Variants in GNB5 observed in about 807,000 individuals in gnomAD.
The protein encoded by GNB5 is guanine nucleotide-binding protein subunit beta-5.
In GNB5, 37 loss-of-function variants were observed where a neutral mutation model predicts 55.3. The ratio of observed to expected loss-of-function variants is 0.67; its 90% CI spans 0.51 to 0.88. The LOEUF (loss-of-function observed/expected upper bound fraction) is 0.88. Among genes scored for constraint, GNB5 ranks in the 40% least tolerant of loss-of-function variants. The pLI is 0.00. For missense variants in GNB5, 476 were observed against 515.3 expected, an observed-to-expected ratio of 0.92 and a Z score of 0.74; for synonymous variants, 219 against 198.5, an observed-to-expected ratio of 1.10 and a Z score of -0.87.
chr15:52,132,872 C>A (rs1009190015), intron 9 of GNB5, among the ~76,000 whole-genome samples: 1 of 152,098 alleles, frequency 6.6e-6, no homozygotes, highest in Admixed American at 6.6e-5. Context: ...CAGCTCTTTG[C>A]TTGCCTGGCT....
intron 5 of GNB5, among the ~76,000 whole-genome samples, chr15:52,149,070 C>A (rs1257716084): frequency 6.6e-6 from 1 of 152,176 alleles, no homozygotes; most frequent in Non-Finnish European, 1.5e-5. Context: ...CATTTTTATT[C>A]CTCAGGGGAC....
chr15:52,146,882 A>AT (rs749210886), intron 6 of GNB5, among the ~76,000 whole-genome samples: 4 of 149,782 alleles, frequency 2.7e-5, no homozygotes, highest in Non-Finnish European at 4.4e-5. Context: ...CACGCCTGGT[A>AT]CTTTTTGCTT....
intron 3 of GNB5, chr15:52,162,643 T>C (rs2034358893): frequency 6.6e-6 from 1 of 152,104 alleles, no homozygotes; most frequent in Non-Finnish European, 1.5e-5. Context: ...TTTTGGTAGA[T>C]TAAAGGAATC....
rs776516893 is a variant in GNB5, at chr15:52,184,537, T to A, written c.126+14A>T. 3.7e-6 allele frequency: 6 copies of A among 1,611,318 alleles called. No homozygotes were observed. The highest frequency in any genetic ancestry group is 1.1e-5 in the South Asian group (1 of 90,886). ...TTAAGACAGATAACTGAATTTTTTT[T>A]AAGTGGCACTTACAATTTCTGCACA... On this transcript the variant is annotated intron_variant, in intron 2 of 12. Coordinates refer to ENST00000261837, the MANE Select transcript of GNB5 (RefSeq NM_016194.4).
intron 3 of GNB5, among the ~76,000 whole-genome samples, chr15:52,159,951 C>G (rs1025064610): frequency 2.1e-5 from 3 of 142,490 alleles, no homozygotes; most frequent in Admixed American, 1.4e-4. Context: ...AAATTAGCTT[C>G]TTTTTTTTTT....
chr15:52,136,968 T>C (rs747077408), intron 7 of GNB5: 19 of 453,650 alleles, frequency 4.2e-5, no homozygotes, highest in Middle Eastern at 7.0e-4. Flanking sequence ...GTGAATCGAT[T>C]AGACAACTTA....
chr15:52,116,956 C>T lies in GNB5; in HGVS notation c.*5801G>A, dbSNP rs937124431. 1.3e-5 allele frequency: 2 copies of T among 149,428 alleles called. No homozygotes were observed. The highest frequency in any genetic ancestry group is 3.0e-5 in the Non-Finnish European group (2 of 67,524). The allele number at this position is 149,428 out of a possible 1,614,324, so 9.3% of individuals were successfully genotyped here. A position where few individuals can be genotyped will look rare whatever the true frequency, so the allele number is the denominator to read the frequency against. ...TTTGTTTTTTTGAGTCAGAGTCTCG[C>T]TCTGTCGCCCAGGCTGGAGTGCAGT... is the stretch of plus-strand genomic sequence containing the variant. On this transcript the variant is annotated 3_prime_UTR_variant, in exon 13 of 13. Transcript: ENST00000261837.
intron 7 of GNB5, chr15:52,137,271 C>T (rs760050941): frequency 1.3e-4 from 144 of 1,145,930 alleles, no homozygotes; most frequent in Non-Finnish European, 1.6e-4. Flanking sequence ...TCAATGACAA[C>T]AGCATGAGAA....
rs772910761 is a variant in GNB5, at chr15:52,117,089, A to AATATATATATATATATATATATATATAT, written c.*5667_*5668insATATATATATATATATATATATATATAT. 1 of 85,470 alleles carries AATATATATATATATATATATATATATAT rather than the reference A, an allele frequency of 1.2e-5. No individual in the cohort carries two copies. Among genetic ancestry groups the AATATATATATATATATATATATATATAT allele is most frequent in the Admixed American group, 1.2e-4 (1 of 8,572 alleles). The allele number at this position is 85,470 out of a possible 1,614,324, so 5.3% of individuals were successfully genotyped here. On this transcript the variant is annotated 3_prime_UTR_variant, in exon 13 of 13. Transcript: ENST00000261837. ...CAGGCACCTGCCACCACGCCCAGCT[A>AATATATATATATATATATATATATATAT]ATATATATATATATTTTTTTTTAGT...
chr15:52,141,377 C>A, intron 6 of GNB5, 105 bp from the exon 7 acceptor site: 2 of 896,378 alleles, frequency 2.2e-6, no homozygotes, highest in South Asian at 1.6e-5. Context: ...TTAGCAGTAT[C>A]ATATATTGTA....
chr15:52,187,462 GA>G (rs921114345), intron 1 of GNB5, among the ~76,000 whole-genome samples: 3 of 152,096 alleles, frequency 2.0e-5, no homozygotes, highest in African/African-American at 7.2e-5. Flanking sequence ...GCAGCTATGG[GA>G]ATGGAAGGCG....
At position 52,149,720 on chromosome 15, in the gene GNB5, G is replaced by A. The variant is rs987541874; in HGVS notation, c.417+164C>T. The A allele has an allele frequency of 5.7e-6, 4 of 707,858 alleles. No individual in the cohort carries two copies. The East Asian group carries it at 1.1e-4, about 19-fold the overall frequency. The allele number at this position is 707,858 out of a possible 1,614,324, so 43.8% of individuals were successfully genotyped here. A position where few individuals can be genotyped will look rare whatever the true frequency, so the allele number is the denominator to read the frequency against. ...AATGCTGCAATGGGCTGGCTGAGCTGTTCAAACACGGATAGGCCTTCTTGG... is the reference window on the plus strand; with the variant it reads ...AATGCTGCAATGGGCTGGCTGAGCTATTCAAACACGGATAGGCCTTCTTGG... On this transcript the variant is annotated intron_variant, in intron 5 of 12. Coordinates refer to ENST00000261837, the MANE Select transcript of GNB5 (RefSeq NM_016194.4).
intron 8 of GNB5, 59 bp downstream of exon 8, chr15:52,135,554 C>A: frequency 1.4e-6 from 2 of 1,450,826 alleles, no homozygotes; most frequent in South Asian, 1.2e-5. Context: ...ACAAGAACTG[C>A]CACCATAAGC....
At chr15:52,140,075 AAAC>A (rs1306196262) in intron 7 of GNB5, 8 of 698,608 alleles carry the variant, frequency 1.1e-5, no homozygotes, top group Non-Finnish European at 1.5e-5. Flanking sequence ...TAATAGGTGT[AAAC>A]AACAGGGGCA....
intron 3 of GNB5, among the ~76,000 whole-genome samples, chr15:52,178,451 G>T (rs1326968519): frequency 6.6e-6 from 1 of 152,196 alleles, no homozygotes; most frequent in East Asian, 1.9e-4. Context: ...GTTTGGAGCT[G>T]TGGCAATCAT....
intron 3 of GNB5, among the ~76,000 whole-genome samples, chr15:52,172,577 C>T (rs1251994340): frequency 1.3e-5 from 2 of 151,948 alleles, no homozygotes; most frequent in Non-Finnish European, 2.9e-5. Context: ...CCCAGGAGAT[C>T]AAGACCAGCC....
At chr15:52,164,352 C>A (rs974993007) in intron 3 of GNB5, among the ~76,000 whole-genome samples, 1 of 144,252 alleles carries the variant, frequency 6.9e-6, no homozygotes, top group Non-Finnish European at 1.5e-5. Context: ...GGTGTGGTGG[C>A]TCAAGCCTGT....
intron 2 of GNB5, among the ~76,000 whole-genome samples, chr15:52,183,776 T>C (rs1596112756): frequency 1.3e-5 from 2 of 152,232 alleles, no homozygotes; most frequent in Admixed American, 6.5e-5. Context: ...AGCTGCACTA[T>C]TGAGCGCAGC....
At chr15:52,153,015 C>T (rs529275755) in intron 4 of GNB5, among the ~76,000 whole-genome samples, 64 of 152,214 alleles carry the variant, frequency 4.2e-4, no homozygotes, top group Non-Finnish European at 7.3e-4. Flanking sequence ...GCTGTGGGAG[C>T]CAGACTCCAA....
Sources: allele counts gnomAD v4.1 joint callset (sites outside exome capture counted in the v4.1 genomes callset), GRCh38; gene constraint gnomAD v4.1.1; transcripts MANE v1.5; gene names NCBI Gene and HGNC (gene_info 2026-07-23, HGNC 2026-07-21).